DCX: variants seen among roughly 807,000 people sequenced by gnomAD.
The protein encoded by DCX is neuronal migration protein doublecortin.
In DCX, 4 loss-of-function variants were observed where a neutral mutation model predicts 20.9. That is an observed-to-expected ratio of 0.19 (90% CI 0.09 to 0.44). The LOEUF (loss-of-function observed/expected upper bound fraction) is 0.44. DCX is among the 20% of genes least tolerant of loss of function. The pLI is 0.99. For synonymous variants in DCX, 103 were observed against 111.4 expected (o/e 0.92, Z 0.47); for missense variants, 133 against 296.9 (o/e 0.45, Z 4.06).
chrX:111,328,744 A>G (rs2095105485), intron 5 of DCX, among the ~76,000 whole-genome samples: 1 of 111,337 alleles, frequency 9.0e-6, no homozygotes, highest in Non-Finnish European at 1.9e-5. Flanking sequence ...TTCTTTATTC[A>G]TTCTCTTGGA....
intron 5 of DCX, among the ~76,000 whole-genome samples, chrX:111,318,100 G>T (rs939205448): frequency 5.8e-5 from 6 of 103,977 alleles, no homozygotes. Flanking sequence ...CAGGAGAATC[G>T]CTTGAACCAG....
chrX:111,332,699 G>A (rs1460337658), intron 4 of DCX, among the ~76,000 whole-genome samples: 4 of 111,925 alleles, frequency 3.6e-5, no homozygotes, highest in African/African-American at 1.3e-4. Context: ...GTTGAATGGA[G>A]AAAAAAGGAT....
At chrX:111,357,741 C>T (rs752450878) in intron 3 of DCX, among the ~76,000 whole-genome samples, 57 of 109,433 alleles carry the variant, frequency 5.2e-4, no homozygotes, top group Non-Finnish European at 8.8e-4. Context: ...ATGATCGCAC[C>T]GCTGTACTCC....
At chrX:111,349,017 A>G (rs1228096026) in intron 3 of DCX, among the ~76,000 whole-genome samples, 1 of 111,688 alleles carries the variant, frequency 9.0e-6, no homozygotes, top group Non-Finnish European at 1.9e-5. Context: ...TTTGAGATCT[A>G]TATCTTTTTT....
chrX:111,345,345 C>T (rs953700401), intron 3 of DCX, among the ~76,000 whole-genome samples: 5 of 111,667 alleles, frequency 4.5e-5, no homozygotes, highest in Non-Finnish European at 5.7e-5. Context: ...AAAGACTTCA[C>T]GACAAAAACG....
chrX:111,401,221 G>T lies in DCX; in HGVS notation c.474C>A (p.Ala158=). The change falls in exon 3 of 7, where the codon GCC becomes GCA. Residue 158 remains alanine (A), a synonymous_variant. Transcript: ENST00000636035. The stretch of plus-strand genomic sequence containing the variant: ...TGTTGCTGCTAGCCAAGGACTGGGG[G>T]GCTTTCATATTGGCAGATGTTTTTA... ...VNVKTSANMK[A]PQSLASSNSA... is the part of the protein sequence containing the mutation. 1.7e-6 allele frequency: 2 copies of T among 1,211,542 alleles called. No homozygotes were observed. The highest frequency in any genetic ancestry group is 3.5e-5 in the South Asian group (2 of 56,968).
intron 3 of DCX, among the ~76,000 whole-genome samples, chrX:111,394,562 G>A (rs776214152): frequency 1.8e-5 from 2 of 111,668 alleles, no homozygotes; most frequent in South Asian, 7.6e-4. Flanking sequence ...CCCACTTTGA[G>A]GGAATGACAA....
chrX:111,366,604 A>G (rs1396515063), intron 3 of DCX, among the ~76,000 whole-genome samples: 1 of 112,177 alleles, frequency 8.9e-6, no homozygotes, highest in Non-Finnish European at 1.9e-5. Flanking sequence ...AGACATAAGG[A>G]TAAGCCATGG....
intron 5 of DCX, among the ~76,000 whole-genome samples, chrX:111,323,005 G>A (rs2095090331): frequency 8.9e-6 from 1 of 111,764 alleles, no homozygotes; most frequent in African/African-American, 3.3e-5. Flanking sequence ...CTCAAGAAGA[G>A]GACATCTGTA....
intron 3 of DCX, among the ~76,000 whole-genome samples, chrX:111,383,703 A>C (rs185910292): frequency 2.1e-4 from 24 of 111,713 alleles, no homozygotes; most frequent in Admixed American, 1.8e-3. Flanking sequence ...CTATAAAATG[A>C]GAGGGTTGGA....
intron 3 of DCX, among the ~76,000 whole-genome samples, chrX:111,385,392 A>T (rs1926313729): frequency 9.0e-6 from 1 of 111,535 alleles, no homozygotes; most frequent in South Asian, 3.7e-4. Flanking sequence ...ACAGTGGCTC[A>T]CACCTGTAAT....
intron 3 of DCX, among the ~76,000 whole-genome samples, chrX:111,334,749 T>G (rs1314422017): frequency 8.9e-6 from 1 of 111,825 alleles, no homozygotes; most frequent in Non-Finnish European, 1.9e-5. Context: ...CAAAGATGAA[T>G]AAGACTCAGG....
chrX:111,303,490 T>A (rs2095038534), intron 6 of DCX, among the ~76,000 whole-genome samples: 1 of 111,335 alleles, frequency 9.0e-6, no homozygotes, highest in Admixed American at 9.6e-5. Context: ...AAGGACTTAT[T>A]TATTTAACAT....
In DCX at chrX:111,299,330, A is replaced by T. The variant is rs978330130; in HGVS notation, c.*2357T>A. 8 of 111,780 alleles carry T rather than the reference A, an allele frequency of 7.2e-5. No individual in the cohort carries two copies. Among genetic ancestry groups the T allele is most frequent in the Non-Finnish European group, 1.1e-4 (6 of 53,194 alleles). The allele number at this position is 111,780 out of a possible 1,213,427, so 9.2% of individuals were successfully genotyped here. ...AGATTGTTGGTTCAAAGGTTATCCTAAAGAAAATATATCCATTTGGTATTT... is the reference window on the plus strand; with the variant it reads ...AGATTGTTGGTTCAAAGGTTATCCTTAAGAAAATATATCCATTTGGTATTT... On this transcript the variant is annotated 3_prime_UTR_variant, in exon 7 of 7. Coordinates refer to ENST00000636035, the MANE Select transcript of DCX (RefSeq NM_001195553.2).
At chrX:111,379,710 A>C (rs1343144255) in intron 3 of DCX, among the ~76,000 whole-genome samples, 1 of 111,693 alleles carries the variant, frequency 9.0e-6, no homozygotes, top group Non-Finnish European at 1.9e-5. Context: ...ATACATTTTT[A>C]TTTCTCTGGA....
chrX:111,343,865 C>T (rs1024038156), intron 3 of DCX, among the ~76,000 whole-genome samples: 1 of 110,815 alleles, frequency 9.0e-6, no homozygotes, highest in Non-Finnish European at 1.9e-5. Flanking sequence ...ACCTGTAGTC[C>T]CAGCTACTCA....
At chrX:111,312,613 G>A (rs1256127095) in intron 6 of DCX, 26 bp downstream of exon 6, 3 of 1,193,092 alleles carry the variant, frequency 2.5e-6, no homozygotes, top group Non-Finnish European at 3.4e-6. Context: ...AGTGCAAAGA[G>A]GTTTAGTAAG....
intron 4 of DCX, among the ~76,000 whole-genome samples, chrX:111,332,229 A>G (rs1169475019): frequency 2.7e-5 from 3 of 112,368 alleles, no homozygotes; most frequent in Non-Finnish European, 5.6e-5. Flanking sequence ...CAGAAGGTAT[A>G]GGAAATTGGA....
chrX:111,311,305 C>A (rs949602566), intron 6 of DCX, among the ~76,000 whole-genome samples: 8 of 111,851 alleles, frequency 7.2e-5, no homozygotes, highest in Non-Finnish European at 1.5e-4. Flanking sequence ...GTTAAAGGGG[C>A]CATTAAAGCA....
Sources: gnomAD v4.1 joint callset for allele counts (sites outside exome capture counted in the v4.1 genomes callset) on GRCh38, gnomAD v4.1.1 for gene constraint, MANE v1.5 for transcripts, NCBI Gene and HGNC (gene_info 2026-07-23, HGNC 2026-07-21) for gene names.